EDIL3: variants seen among roughly 807,000 people sequenced by gnomAD.
EDIL3 encodes the protein EGF-like repeat and discoidin I-like domain-containing protein 3.
Under a neutral mutation model 67.4 loss-of-function variants are expected in EDIL3, and 37 were observed. The observed-to-expected ratio is 0.55, with a 90% CI of 0.42 to 0.72. The LOEUF (loss-of-function observed/expected upper bound fraction) is 0.72, where lower values mean the gene tolerates loss of function less well. Ranked by LOEUF, EDIL3 falls within the 30% of genes least tolerant of loss-of-function variation. The pLI is 0.00. For missense variants in EDIL3, 527 were observed against 586.3 expected (o/e 0.90, Z 1.04); for synonymous variants, 195 against 196.3 (o/e 0.99, Z 0.05).
intron 1 of EDIL3, among the ~76,000 whole-genome samples, chr5:84,348,639 A>C (rs1343986416): frequency 6.6e-6 from 1 of 151,252 alleles, no homozygotes; most frequent in Non-Finnish European, 1.5e-5. Flanking sequence ...ACCGAATTTC[A>C]GATGCATGTC....
chr5:84,284,166 T>C (rs746808826), intron 1 of EDIL3, among the ~76,000 whole-genome samples: 5 of 152,186 alleles, frequency 3.3e-5, no homozygotes, highest in Non-Finnish European at 7.3e-5. Flanking sequence ...TTTGTCACAT[T>C]CATTAGCCAT....
chr5:84,245,300 CTCT>C (rs1289416678), intron 2 of EDIL3, among the ~76,000 whole-genome samples: 1 of 152,026 alleles, frequency 6.6e-6, no homozygotes, highest in African/African-American at 2.4e-5. Flanking sequence ...TCTTCTTTTT[CTCT>C]TCATGTGTAT....
intron 10 of EDIL3, among the ~76,000 whole-genome samples, chr5:83,945,516 C>T (rs1186821699): frequency 1.3e-5 from 2 of 151,622 alleles, no homozygotes; most frequent in African/African-American, 2.4e-5. Context: ...TATAACAGCC[C>T]GAAATATAGT....
At chr5:84,166,105 G>C (rs754185398) in intron 4 of EDIL3, among the ~76,000 whole-genome samples, 1 of 151,922 alleles carries the variant, frequency 6.6e-6, no homozygotes, top group Admixed American at 6.6e-5. Flanking sequence ...ATCTTAAAAA[G>C]CTTTAAAAAT....
At chr5:84,060,215 A>T (rs1318997103) in intron 9 of EDIL3, 85 bp downstream of exon 9, 2 of 1,481,920 alleles carry the variant, frequency 1.3e-6, no homozygotes, top group Non-Finnish European at 1.8e-6. Flanking sequence ...GCGTGAAGGT[A>T]ACGACTCTGA....
intron 1 of EDIL3, among the ~76,000 whole-genome samples, chr5:84,343,344 C>T (rs1165353025): frequency 6.6e-6 from 1 of 151,782 alleles, no homozygotes; most frequent in African/African-American, 2.4e-5. Context: ...GGCATAACTT[C>T]TGTTCTTGGC....
At chr5:84,233,988 C>T (rs1435440429) in intron 2 of EDIL3, among the ~76,000 whole-genome samples, 1 of 152,168 alleles carries the variant, frequency 6.6e-6, no homozygotes, top group Non-Finnish European at 1.5e-5. Flanking sequence ...TTTCTTTGGA[C>T]TTCTAGTTCT....
chr5:84,249,892 G>T (rs753488001), intron 2 of EDIL3, among the ~76,000 whole-genome samples: 1 of 152,080 alleles, frequency 6.6e-6, no homozygotes, highest in Non-Finnish European at 1.5e-5. Context: ...TCAGGAGTTG[G>T]AGACCAGTCT....
chr5:84,109,789 A>G (rs1747527452), intron 5 of EDIL3, among the ~76,000 whole-genome samples: 1 of 152,178 alleles, frequency 6.6e-6, no homozygotes, highest in South Asian at 2.1e-4. Context: ...CAAAGGAAGC[A>G]TGACTGTGAT....
intron 9 of EDIL3, among the ~76,000 whole-genome samples, 197 bp from the exon 10 acceptor site, chr5:83,963,557 A>T (rs530229537): frequency 1.3e-5 from 2 of 151,158 alleles, no homozygotes; most frequent in South Asian, 4.2e-4. Flanking sequence ...GTAGTGCAAG[A>T]CTCCTTGAAC....
chr5:83,993,980 A>AT (rs1745193712), intron 9 of EDIL3, among the ~76,000 whole-genome samples: 2 of 152,116 alleles, frequency 1.3e-5, no homozygotes, highest in East Asian at 1.9e-4. Context: ...ATCCTGCTTC[A>AT]TTTTTTGGCC....
intron 3 of EDIL3, among the ~76,000 whole-genome samples, chr5:84,200,529 A>G (rs757149682): frequency 3.3e-5 from 5 of 152,074 alleles, no homozygotes; most frequent in African/African-American, 1.2e-4. Flanking sequence ...AAATTATTAC[A>G]TATCTTAAGT....
chr5:84,342,350 G>A (rs1304524413), intron 1 of EDIL3, among the ~76,000 whole-genome samples: 2 of 152,118 alleles, frequency 1.3e-5, no homozygotes, highest in African/African-American at 4.8e-5. Context: ...TGCAGTTTTT[G>A]TAATGACAAA....
intron 3 of EDIL3, among the ~76,000 whole-genome samples, chr5:84,210,997 C>T (rs945835462): frequency 7.9e-5 from 12 of 152,156 alleles, no homozygotes; most frequent in Admixed American, 5.2e-4. Context: ...TGCTCCGCCA[C>T]CCCGCCCCCC....
intron 4 of EDIL3, among the ~76,000 whole-genome samples, chr5:84,171,862 A>T (rs1261031646): frequency 2.0e-5 from 3 of 152,220 alleles, no homozygotes; most frequent in African/African-American, 7.2e-5. Context: ...GGTGAGAGCC[A>T]GGCATTGGTA....
chr5:84,342,534 A>G (rs1747136642), intron 1 of EDIL3, among the ~76,000 whole-genome samples: 1 of 152,056 alleles, frequency 6.6e-6, no homozygotes, highest in Non-Finnish European at 1.5e-5. Context: ...ATATCCATGT[A>G]ATAAAATTAC....
intron 1 of EDIL3, among the ~76,000 whole-genome samples, chr5:84,369,058 T>C (rs1156817677): frequency 6.6e-6 from 1 of 151,758 alleles, no homozygotes; most frequent in Non-Finnish European, 1.5e-5. Context: ...ACTATGAAAG[T>C]TCCTCCAAAA....
Position 84,120,515 on chromosome 5 carries a change from G to T in EDIL3, c.470-13685C>A, listed in dbSNP as rs537699297. Among the ~76,000 whole-genome samples, 161 of 152,100 alleles carry T rather than the reference G, an allele frequency of 1.1e-3. 1 individual carries two copies. Among genetic ancestry groups the T allele is most frequent in the Non-Finnish European group, 1.9e-3 (129 of 67,892 alleles). On this transcript the variant is annotated intron_variant, in intron 5 of 10. Coordinates refer to ENST00000296591, the MANE Select transcript of EDIL3 (RefSeq NM_005711.5). ...AGGACTCTGTTTCCTTACTCCTTCAGATGACACAGATGCCGTGGCATGAAA... is the reference window on the plus strand; with the variant it reads ...AGGACTCTGTTTCCTTACTCCTTCATATGACACAGATGCCGTGGCATGAAA...
Position 84,106,743 on chromosome 5 carries a change from A to T in EDIL3, c.557T>A (p.Leu186His). 1 of 1,613,534 alleles carries T rather than the reference A, an allele frequency of 6.2e-7. No individual in the cohort carries two copies. ...TGCATAGTAGGGATACCATTTTTGG[A>T]GTCCAAAAAGAGCTCGGTGAGTAGA... ...ASSTHRALFGLQKWYPYYARL... is the reference protein window; with the variant it reads ...ASSTHRALFGHQKWYPYYARL... Residue 186 changes from leucine (L) to histidine (H), a missense_variant, in exon 6 of 11, where the codon CTC becomes CAC. Around this residue, in one of 2 missense-constraint regions of EDIL3, gnomAD observed 494 missense variants for 522.5 expected, o/e 0.95. Coordinates refer to ENST00000296591, the MANE Select transcript of EDIL3 (RefSeq NM_005711.5).
Sources: allele counts gnomAD v4.1 joint callset (sites outside exome capture counted in the v4.1 genomes callset), GRCh38; gene constraint gnomAD v4.1.1; regional missense constraint gnomAD v4.1.1; transcripts MANE v1.5; gene names NCBI Gene and HGNC (gene_info 2026-07-23, HGNC 2026-07-21).